Variants in TNS3 observed in about 807,000 individuals in gnomAD.
TNS3 encodes the protein tensin-3.
A neutral mutation model predicts 140.9 loss-of-function variants in TNS3; 45 were observed. That is an observed-to-expected ratio of 0.32 (90% CI 0.25 to 0.41). The LOEUF is 0.41. Among genes scored for constraint, TNS3 ranks in the 10% least tolerant of loss-of-function variants. TNS3 has a pLI of 1.00. For synonymous variants in TNS3, 815 were observed against 788.4 expected (o/e 1.03, Z -0.56); for missense variants, 1,716 against 1,906.7 (o/e 0.90, Z 1.86).
intron 27 of TNS3, among the ~76,000 whole-genome samples, chr7:47,285,710 T>C (rs1785384163): frequency 6.6e-6 from 1 of 152,212 alleles, no homozygotes; most frequent in South Asian, 2.1e-4. Context: ...GTCCCGCTTC[T>C]GAGGAGATTG....
chr7:47,308,787 A>T (rs2150751470), intron 20 of TNS3, among the ~76,000 whole-genome samples: 1 of 152,114 alleles, frequency 6.6e-6, no homozygotes, highest in East Asian at 1.9e-4. Context: ...GAGAACAGGC[A>T]CTCTTCCCAG....
At chr7:47,488,701 C>T (rs1347288462) in intron 3 of TNS3, among the ~76,000 whole-genome samples, 1 of 152,214 alleles carries the variant, frequency 6.6e-6, no homozygotes, top group Non-Finnish European at 1.5e-5. Context: ...AATGCAACCC[C>T]CCAGCACTAA....
chr7:47,450,189 A>C (rs1795951596), intron 4 of TNS3, among the ~76,000 whole-genome samples: 1 of 152,256 alleles, frequency 6.6e-6, no homozygotes, highest in Non-Finnish European at 1.5e-5. Flanking sequence ...GATTTCAATA[A>C]CAGACAGCTA....
chr7:47,451,269 T>C (rs996724298), intron 4 of TNS3, among the ~76,000 whole-genome samples: 13 of 152,054 alleles, frequency 8.5e-5, no homozygotes, highest in African/African-American at 2.9e-4. Flanking sequence ...AAACTAGCAG[T>C]GTAAACAGCT....
chr7:47,561,751 C>A (rs767140168), intron 1 of TNS3, among the ~76,000 whole-genome samples: 1 of 152,196 alleles, frequency 6.6e-6, no homozygotes, highest in Non-Finnish European at 1.5e-5. Flanking sequence ...TATTTCCTAA[C>A]CCTGGCATCC....
chr7:47,460,235 A>G (rs1354838402), intron 4 of TNS3, among the ~76,000 whole-genome samples: 1 of 132,268 alleles, frequency 7.6e-6, no homozygotes, highest in African/African-American at 2.8e-5. Flanking sequence ...AAAAAAAAAA[A>G]AAGAAGAGGA....
Position 47,277,665 on chromosome 7 carries a change from G to C in TNS3, c.*411C>G, listed in dbSNP as rs188040740. ...GCTGGACAGAAGCGCCCATGCGGAC[G>C]GGCGAAGCATGGCAGTCACTCGGCA... On this transcript the variant is annotated 3_prime_UTR_variant, in exon 31 of 31. Coordinates refer to ENST00000311160, the MANE Select transcript of TNS3 (RefSeq NM_022748.12). The C allele has an allele frequency of 7.3e-6, 2 of 272,834 alleles. No individual in the cohort carries two copies. Among genetic ancestry groups the C allele is most frequent in the South Asian group, 3.9e-5 (1 of 25,554 alleles). 16.9% of individuals were successfully genotyped at this position (272,834 alleles called of 1,614,324 possible).
chr7:47,342,974 T>C (rs1789104668), intron 20 of TNS3, among the ~76,000 whole-genome samples: 2 of 152,226 alleles, frequency 1.3e-5, no homozygotes, highest in Non-Finnish European at 2.9e-5. Context: ...TAATGTGAAG[T>C]TGACCCTCCC....
At chr7:47,511,293 G>A (rs532002293) in intron 2 of TNS3, among the ~76,000 whole-genome samples, 1 of 152,054 alleles carries the variant, frequency 6.6e-6, no homozygotes, top group Non-Finnish European at 1.5e-5. Flanking sequence ...TGTCTTTGAC[G>A]CTTCAAACCA....
chr7:47,404,024 G>A (rs1793304558), intron 13 of TNS3, among the ~76,000 whole-genome samples: 1 of 152,196 alleles, frequency 6.6e-6, no homozygotes, highest in Non-Finnish European at 1.5e-5. Context: ...TTATTTACCT[G>A]GGTCTCCCCA....
chr7:47,455,491 A>C (rs1796209043), intron 4 of TNS3, among the ~76,000 whole-genome samples: 1 of 152,084 alleles, frequency 6.6e-6, no homozygotes, highest in African/African-American at 2.4e-5. Context: ...ACAAGCAGAG[A>C]GGGCTCTGAG....
At chr7:47,333,539 C>A (rs1299678364) in intron 20 of TNS3, among the ~76,000 whole-genome samples, 3 of 152,192 alleles carry the variant, frequency 2.0e-5, no homozygotes, top group African/African-American at 7.2e-5. Context: ...CTATAAATGT[C>A]ACACATATTC....
At chr7:47,443,507 G>A (rs1795572643) in intron 4 of TNS3, among the ~76,000 whole-genome samples, 1 of 152,166 alleles carries the variant, frequency 6.6e-6, no homozygotes, top group African/African-American at 2.4e-5. Context: ...CAAAACAGAA[G>A]ACTACTCTTT....
At chr7:47,424,412 C>T (rs749614290) in intron 9 of TNS3, among the ~76,000 whole-genome samples, 18 of 152,220 alleles carry the variant, frequency 1.2e-4, no homozygotes, top group Non-Finnish European at 1.9e-4. Flanking sequence ...GGTCAGAATT[C>T]TCATCTGAAA....
intron 4 of TNS3, among the ~76,000 whole-genome samples, chr7:47,460,976 C>T (rs1442677755): frequency 1.3e-5 from 2 of 152,078 alleles, no homozygotes; most frequent in Non-Finnish European, 2.9e-5. Context: ...CTATAGATCC[C>T]GCCATGAGAA....
Position 47,397,985 on chromosome 7 carries a change from G to A in TNS3, c.920-1081C>T, listed in dbSNP as rs561193451. 8.4e-4 allele frequency among the ~76,000 whole-genome samples: 128 copies of A among 152,080 alleles called. 2 individuals carry two copies. Among genetic ancestry groups the A allele is most frequent in the African/African-American group, 3.0e-3 (123 of 41,514 alleles). ...AAATAAATTCAATTAGAAATGAAAC[G>A]AAACATTACAACCAGCACGAAAGAT... On this transcript the variant is annotated intron_variant, in intron 15 of 30. Transcript: ENST00000311160.
intron 11 of TNS3, among the ~76,000 whole-genome samples, chr7:47,414,365 C>T (rs547678830): frequency 1.0e-3 from 153 of 152,310 alleles, no homozygotes; most frequent in African/African-American, 3.5e-3. Flanking sequence ...CACCTGCATG[C>T]GACTGGCGAG....
intron 20 of TNS3, among the ~76,000 whole-genome samples, chr7:47,306,994 A>C (rs541343576): frequency 1.3e-5 from 2 of 152,166 alleles, no homozygotes; most frequent in African/African-American, 4.8e-5. Flanking sequence ...TAAATGTTTA[A>C]TTTTTCATGA....
At position 47,302,933 on chromosome 7, in the gene TNS3, G is replaced by A. The variant is rs1451228822; in HGVS notation, c.3457+17C>T. The stretch of plus-strand genomic sequence containing the variant: ...ATGGACAGAGGGGCCCTTCCAACCA[G>A]CTGGAAACACACCTACCTGGCAGAG... On this transcript the variant is annotated intron_variant, in intron 22 of 30. Coordinates refer to ENST00000311160, the MANE Select transcript of TNS3 (RefSeq NM_022748.12). 1 of 1,580,970 alleles carries A rather than the reference G, an allele frequency of 6.3e-7. No individual in the cohort carries two copies. Among genetic ancestry groups the A allele is most frequent in the Non-Finnish European group, 8.6e-7 (1 of 1,161,142 alleles).
Sources: gnomAD v4.1 joint callset for allele counts (sites outside exome capture counted in the v4.1 genomes callset) on GRCh38, gnomAD v4.1.1 for gene constraint, MANE v1.5 for transcripts, NCBI Gene and HGNC (gene_info 2026-07-23, HGNC 2026-07-21) for gene names.